Variants in ABCA6 observed in about 807,000 individuals in gnomAD.
ABCA6 encodes ATP-binding cassette sub-family A member 6.
In ABCA6, 164 loss-of-function variants were observed where a neutral mutation model predicts 191.2. That is an observed-to-expected ratio of 0.86 (90% CI 0.76 to 0.98). The LOEUF (loss-of-function observed/expected upper bound fraction) is 0.98. ABCA6 is among the 50% of genes least tolerant of loss of function. The probability of loss-of-function intolerance (pLI) is 0.00; values close to 1 mark genes in which losing one functional copy is unlikely to be tolerated. For synonymous variants in ABCA6, 636 were observed against 647.7 expected, an observed-to-expected ratio of 0.98 and a Z score of 0.27; for missense variants, 1,958 against 1,894.1, an observed-to-expected ratio of 1.03 and a Z score of -0.63.
rs2073277540 is a variant in ABCA6 at position 69,105,486 on chromosome 17, T to C, written c.2716A>G (p.Ser906Gly). 6.2e-7 allele frequency: 1 copy of C among 1,608,180 alleles called. No homozygotes were observed. The highest frequency in any genetic ancestry group is 1.3e-5 in the African/African-American group (1 of 74,706). Residue 906 changes from serine to glycine, a missense_variant, in exon 20 of 39, where the codon AGC becomes GGC. Physicochemically the swap from Ser to Gly is moderately conservative, Grantham distance 56 (BLOSUM62 0). Transcript: ENST00000284425. ...CCTGTGTTATTGATGATCAACAGGC[T>C]GGTACGGGGTTCCTGGGGAAGTTGT... ...PGQLPQEPRT[S>G]LLIINNTESN...
At chr17:69,114,976 AC>A in intron 12 of ABCA6, 39 bp from the exon 13 acceptor site, 1 of 1,432,246 alleles carries the variant, frequency 7.0e-7, no homozygotes, top group Non-Finnish European at 9.6e-7. Context: ...GCAAGATAAT[AC>A]ATTCTATTAA....
chr17:69,110,735 T>G, intron 17 of ABCA6, 66 bp downstream of exon 17: 1 of 1,490,226 alleles, frequency 6.7e-7, no homozygotes, highest in South Asian at 1.3e-5. Context: ...ACAAAGAAAA[T>G]TATTTTAATA....
intron 4 of ABCA6, 45 bp from the exon 5 acceptor site, chr17:69,134,787 C>A (rs975179419): frequency 7.5e-7 from 1 of 1,328,474 alleles, no homozygotes; most frequent in Non-Finnish European, 1.1e-6. Context: ...GGGACGAGGG[C>A]AGTTGGAGAA....
chr17:69,105,894 GA>G, intron 19 of ABCA6, 133 bp downstream of exon 19: 2 of 1,024,074 alleles, frequency 2.0e-6, no homozygotes, highest in Non-Finnish European at 2.8e-6. Flanking sequence ...CCCACTGTCA[GA>G]AAAATTAAAT....
intron 10 of ABCA6, among the ~76,000 whole-genome samples, chr17:69,122,153 T>A (rs904891707): frequency 1.3e-5 from 2 of 152,072 alleles, no homozygotes; most frequent in African/African-American, 4.8e-5. Context: ...TTGTGTGATA[T>A]TGGGTAAAAG....
intron 16 of ABCA6, 149 bp from the exon 17 acceptor site, chr17:69,111,089 T>A: frequency 1.5e-6 from 1 of 652,876 alleles, no homozygotes; most frequent in South Asian, 2.9e-5. Flanking sequence ...GATAGTAATC[T>A]ATCAGTTTGA....
At chr17:69,090,922 C>T (rs1352411473) in intron 26 of ABCA6, among the ~76,000 whole-genome samples, 1 of 152,084 alleles carries the variant, frequency 6.6e-6, no homozygotes, top group African/African-American at 2.4e-5. Context: ...AAAATTCACT[C>T]ATTTTAAGAG....
At chr17:69,106,881 G>T (rs930764805) in intron 18 of ABCA6, among the ~76,000 whole-genome samples, 16 of 152,070 alleles carry the variant, frequency 1.1e-4, no homozygotes, top group African/African-American at 3.9e-4. Flanking sequence ...CATACCAAAA[G>T]AATAATTCAC....
At position 69,103,003 on chromosome 17, in the gene ABCA6, A is replaced by C. The variant is rs1475038785; in HGVS notation, c.2741-35T>G. 3 of 1,333,954 alleles carry C rather than the reference A, an allele frequency of 2.2e-6. No individual in the cohort carries two copies. In the South Asian group the frequency reaches 4.0e-5, roughly 18 times the overall value. 82.6% of individuals were successfully genotyped at this position (1,333,954 alleles called of 1,614,324 possible). On this transcript the variant is annotated intron_variant, in intron 20 of 38. Transcript: ENST00000284425. ...AGTTAATAAGAGAAGGCCATAGAAAAGTAAGAAAATACATATCAAACTTTT... is the reference window on the plus strand; with the variant it reads ...AGTTAATAAGAGAAGGCCATAGAAACGTAAGAAAATACATATCAAACTTTT...
At chr17:69,120,828 G>A (rs1407346347) in intron 10 of ABCA6, among the ~76,000 whole-genome samples, 1 of 152,012 alleles carries the variant, frequency 6.6e-6, no homozygotes, top group Non-Finnish European at 1.5e-5. Context: ...GCACATATGT[G>A]TACACAATTG....
At position 69,086,747 on chromosome 17, in the gene ABCA6, G is replaced by A; in HGVS notation, c.3820-12C>T. The A allele has an allele frequency of 6.4e-7, 1 of 1,570,352 alleles. No individual in the cohort carries two copies. The highest frequency in any genetic ancestry group is 8.7e-7 in the Non-Finnish European group (1 of 1,144,576). On this transcript the variant is annotated splice_polypyrimidine_tract_variant and intron_variant, in intron 29 of 38. Coordinates refer to ENST00000284425, the MANE Select transcript of ABCA6 (RefSeq NM_080284.3). Reference sequence around the variant, plus strand: ...ATTATAACAGGTTTCTAGAAGAGATGACAGCATGATTTTCCTCTTAAATTT... The same window carrying A: ...ATTATAACAGGTTTCTAGAAGAGATAACAGCATGATTTTCCTCTTAAATTT...
At chr17:69,113,089 T>C (rs1412049025) in intron 15 of ABCA6, 133 bp downstream of exon 15, 1 of 1,035,862 alleles carries the variant, frequency 9.7e-7, no homozygotes, top group African/African-American at 1.7e-5. Flanking sequence ...ACTAGACTCC[T>C]GTCGTCCTCC....
At chr17:69,130,366 T>TGGGC (rs2073840785) in intron 6 of ABCA6, among the ~76,000 whole-genome samples, 1 of 151,912 alleles carries the variant, frequency 6.6e-6, no homozygotes, top group Admixed American at 6.6e-5. Context: ...TAAGCACAGC[T>TGGGC]GGGCCATTGT....
At chr17:69,113,007 A>T (rs1339802291) in intron 15 of ABCA6, 4 of 393,906 alleles carry the variant, frequency 1.0e-5, no homozygotes, top group Non-Finnish European at 1.7e-5. Flanking sequence ...CTAAAAAAAA[A>T]AGGTAATCAG....
chr17:69,131,183 A>G (rs1178058869), intron 6 of ABCA6, among the ~76,000 whole-genome samples: 1 of 152,206 alleles, frequency 6.6e-6, no homozygotes, highest in African/African-American at 2.4e-5. Context: ...AGATAAGTTC[A>G]TCTACTTAAC....
In ABCA6 at chr17:69,140,667, T is replaced by G; in HGVS notation, c.37A>C (p.Lys13Gln). The change falls in exon 2 of 39, where the codon AAA becomes CAA. Residue 13 changes from lysine to glutamine, a missense_variant. Transcript: ENST00000284425. ...AGAAAATTCTTGCACAGAAGTGCTT[T>G]GGTTTGCTGATACACGCTTTTCTGT... ...MKQKSVYQQT[K>Q]ALLCKNFLKK... 6.2e-7 allele frequency: 1 copy of G among 1,601,564 alleles called. No individual in the cohort carries two copies. The highest frequency in any genetic ancestry group is 1.1e-5 in the South Asian group (1 of 88,754).
intron 22 of ABCA6, 142 bp downstream of exon 22, chr17:69,100,655 C>CTA: frequency 1.1e-6 from 1 of 901,984 alleles, no homozygotes; most frequent in East Asian, 3.0e-5. Context: ...GTTTTGTTTG[C>CTA]TATAACCCAT....
At chr17:69,087,648 G>T in intron 28 of ABCA6, 175 bp from the exon 29 acceptor site, 1 of 796,616 alleles carries the variant, frequency 1.3e-6, no homozygotes, top group Non-Finnish European at 2.0e-6. Context: ...CCACTAGCCA[G>T]AATCCTTTTC....
Position 69,133,833 on chromosome 17 carries a change from A to G in ABCA6, c.599T>C (p.Met200Thr), listed in dbSNP as rs761100020. ...TTNHPVMEEL[M>T]SVTAITMKTL... ...CTTCATAGTTATAGCAGTAACTGACATCAACTCCTCCATCACAGGGTGATT... is the reference window on the plus strand; with the variant it reads ...CTTCATAGTTATAGCAGTAACTGACGTCAACTCCTCCATCACAGGGTGATT... The change falls in exon 6 of 39, where the codon ATG becomes ACG. Residue 200 changes from methionine (M) to threonine (T), a missense_variant. Physicochemically the swap from Met to Thr is moderately conservative, Grantham distance 81 (BLOSUM62 -1). Transcript: ENST00000284425. The G allele has an allele frequency of 1.2e-6, 2 of 1,609,884 alleles. No homozygotes were observed. The highest frequency in any genetic ancestry group is 1.7e-6 in the Non-Finnish European group (2 of 1,177,840).
Sources: gnomAD v4.1 joint callset for allele counts (sites outside exome capture counted in the v4.1 genomes callset) on GRCh38, gnomAD v4.1.1 for gene constraint, MANE v1.5 for transcripts, NCBI Gene and HGNC (gene_info 2026-07-23, HGNC 2026-07-21) for gene names.